The following NTM variants were observed in gnomAD, a reference collection of about 807,000 sequenced individuals.
NTM encodes the protein IgLON family member 2.
In NTM, 13 loss-of-function variants were observed where a neutral mutation model predicts 42.1. The observed-to-expected ratio is 0.31, with a 90% CI of 0.20 to 0.49. NTM has a LOEUF of 0.49. NTM is among the 20% of genes least tolerant of loss of function. The pLI is 0.99. For synonymous variants in NTM, 187 were observed against 179.2 expected (o/e 1.04, Z -0.35); for missense variants, 373 against 452.8 (o/e 0.82, Z 1.60).
intron 1 of NTM, among the ~76,000 whole-genome samples, chr11:131,864,820 G>A (rs1418040461): frequency 6.6e-6 from 1 of 152,286 alleles, no homozygotes; most frequent in East Asian, 1.9e-4. Flanking sequence ...CTCATATTCA[G>A]AATGTCTCTC....
chr11:132,300,448 G>C (rs905356123), intron 4 of NTM, among the ~76,000 whole-genome samples: 1 of 152,180 alleles, frequency 6.6e-6, no homozygotes, highest in Admixed American at 6.5e-5. Context: ...TATAGGGCTC[G>C]AGTGCAGAAA....
intron 1 of NTM, among the ~76,000 whole-genome samples, chr11:131,628,525 C>T (rs1468589307): frequency 3.9e-5 from 6 of 152,098 alleles, no homozygotes; most frequent in Non-Finnish European, 8.8e-5. Flanking sequence ...GTGTGCACGC[C>T]AGCATATTGG....
intron 1 of NTM, among the ~76,000 whole-genome samples, chr11:131,694,713 A>T (rs1050633866): frequency 1.3e-4 from 20 of 152,176 alleles, no homozygotes; most frequent in Admixed American, 5.2e-4. Context: ...GTGTGGACAG[A>T]GGAGCTCTCG....
chr11:132,312,888 A>C (rs1043914082), intron 6 of NTM: 3 of 152,694 alleles, frequency 2.0e-5, no homozygotes, highest in Admixed American at 2.0e-4. Context: ...TTCCATTTGG[A>C]CAGTGCTAGC....
chr11:131,943,604 G>A (rs2060037686), intron 2 of NTM, among the ~76,000 whole-genome samples: 3 of 152,116 alleles, frequency 2.0e-5, no homozygotes, highest in Admixed American at 2.0e-4. Context: ...TCTCCGGCTC[G>A]TTTTTTCCCT....
intron 1 of NTM, among the ~76,000 whole-genome samples, chr11:131,471,156 A>T (rs1379212131): frequency 3.3e-5 from 5 of 152,194 alleles, no homozygotes; most frequent in Non-Finnish European, 1.5e-5. Context: ...GCTCTTACTA[A>T]CTCAGACTGG....
chr11:131,685,220 G>A (rs958708215), intron 1 of NTM, among the ~76,000 whole-genome samples: 8 of 152,196 alleles, frequency 5.3e-5, no homozygotes, highest in African/African-American at 1.9e-4. Flanking sequence ...AGCTTGGGGG[G>A]CAGCTAGCAC....
intron 3 of NTM, among the ~76,000 whole-genome samples, chr11:132,149,142 C>A (rs1004231014): frequency 6.7e-6 from 1 of 149,714 alleles, no homozygotes; most frequent in African/African-American, 2.5e-5. Context: ...GCCAAACTGA[C>A]CCCCTCTTCA....
In NTM at chr11:131,432,839, C is replaced by CTTTTTTTTTTTTTTTTTTTTTTTTTTTT. The variant is rs377739708; in HGVS notation, c.82+61956_82+61983dup. 7.1e-4 allele frequency among the ~76,000 whole-genome samples: 49 copies of CTTTTTTTTTTTTTTTTTTTTTTTTTTTT among 68,702 alleles called. 6 individuals are homozygous for CTTTTTTTTTTTTTTTTTTTTTTTTTTTT. Among genetic ancestry groups the CTTTTTTTTTTTTTTTTTTTTTTTTTTTT allele is most frequent in the Non-Finnish European group, 9.5e-4 (37 of 38,810 alleles). 45.1% of individuals were successfully genotyped at this position (68,702 alleles called of 152,430 possible). A position where few individuals can be genotyped will look rare whatever the true frequency, so the allele number is the denominator to read the frequency against. ...CTACAAAAGATGAAGATTTAGCATT[C>CTTTTTTTTTTTTTTTTTTTTTTTTTTTT]TTTTTTTTTTTTTTTTTTTTTTTTT... On this transcript the variant is annotated intron_variant, in intron 1 of 8. Coordinates refer to ENST00000683400, the MANE Select transcript of NTM (RefSeq NM_001352005.2).
At chr11:131,722,793 A>G (rs1441275351) in intron 1 of NTM, among the ~76,000 whole-genome samples, 1 of 152,208 alleles carries the variant, frequency 6.6e-6, no homozygotes, top group East Asian at 1.9e-4. Context: ...TTGGTATGGC[A>G]CAAGTACAAA....
At chr11:131,722,615 G>A (rs3105605) in intron 1 of NTM, among the ~76,000 whole-genome samples, 27,536 of 152,134 alleles carry the variant, frequency 0.18, 2,592 homozygotes, top group Middle Eastern at 0.23. Flanking sequence ...GATAGATCCT[G>A]TTGATGGAGA....
intron 1 of NTM, among the ~76,000 whole-genome samples, chr11:131,869,060 C>A (rs911556140): frequency 6.6e-6 from 1 of 152,096 alleles, no homozygotes; most frequent in African/African-American, 2.4e-5. Context: ...GTCTTTCCCA[C>A]TGACAGACAG....
intron 1 of NTM, among the ~76,000 whole-genome samples, chr11:131,378,959 C>G (rs1942307184): frequency 6.6e-6 from 1 of 152,146 alleles, no homozygotes; most frequent in African/African-American, 2.4e-5. Flanking sequence ...ACTCACATGG[C>G]CAGGACAGCT....
intron 2 of NTM, among the ~76,000 whole-genome samples, chr11:131,944,933 G>A (rs998095493): frequency 3.3e-5 from 5 of 152,094 alleles, no homozygotes; most frequent in Admixed American, 6.5e-5. Flanking sequence ...AAGTAAATGC[G>A]TTTTATCATC....
At chr11:132,071,295 A>C (rs1357557008) in intron 2 of NTM, among the ~76,000 whole-genome samples, 1 of 112,038 alleles carries the variant, frequency 8.9e-6, no homozygotes, top group East Asian at 2.3e-4. Flanking sequence ...AACACGTCAC[A>C]CAGCCAAGTT....
At position 131,832,801 on chromosome 11, in the gene NTM, T is replaced by G. The variant is rs939597391; in HGVS notation, c.83-78763T>G. On this transcript the variant is annotated intron_variant, in intron 1 of 8. Coordinates refer to ENST00000683400, the MANE Select transcript of NTM (RefSeq NM_001352005.2). ...GTATATGTATGTACGTGCATATGTA[T>G]GCACATAAACACACACAGGATTAAA... 6.6e-5 allele frequency among the ~76,000 whole-genome samples: 10 copies of G among 152,338 alleles called. No individual in the cohort carries two copies. In the East Asian group the frequency reaches 1.5e-3, roughly 23 times the overall value.
chr11:131,390,316 C>T (rs954001199), intron 1 of NTM, among the ~76,000 whole-genome samples: 1 of 152,036 alleles, frequency 6.6e-6, no homozygotes, highest in Non-Finnish European at 1.5e-5. Flanking sequence ...GGGATCTGCC[C>T]CCACGACCCG....
At chr11:132,105,918 G>C (rs1274464686) in intron 2 of NTM, among the ~76,000 whole-genome samples, 1 of 152,186 alleles carries the variant, frequency 6.6e-6, no homozygotes, top group African/African-American at 2.4e-5. Flanking sequence ...CAGAGATAGA[G>C]AACCTTGTAA....
At chr11:131,936,183 A>C (rs1392163456) in intron 2 of NTM, among the ~76,000 whole-genome samples, 2 of 152,334 alleles carry the variant, frequency 1.3e-5, no homozygotes, top group African/African-American at 4.8e-5. Flanking sequence ...CATATGTTTT[A>C]AGCAACTTGT....
Sources: gnomAD v4.1 joint callset for allele counts (sites outside exome capture counted in the v4.1 genomes callset) on GRCh38, gnomAD v4.1.1 for gene constraint, MANE v1.5 for transcripts, NCBI Gene and HGNC (gene_info 2026-07-23, HGNC 2026-07-21) for gene names.